Variants in C5orf46 observed in about 807,000 individuals in gnomAD.
C5orf46 encodes the protein uncharacterized protein C5orf46.
In C5orf46, 9 loss-of-function variants were observed where a neutral mutation model predicts 8.9. The observed-to-expected ratio is 1.01, with a 90% CI of 0.61 to 1.76. C5orf46 has a LOEUF of 1.76. Ranked by LOEUF, C5orf46 falls within the 40% of genes most tolerant of loss-of-function variation. The pLI is 0.00. For synonymous variants in C5orf46, 47 were observed against 41.4 expected (o/e 1.14, Z -0.52); for missense variants, 98 against 107.8 (o/e 0.91, Z 0.40).
chr5:147,890,088 C>T (rs1458655771), downstream of C5orf46, among the ~76,000 whole-genome samples: 3 of 152,104 alleles, frequency 2.0e-5, no homozygotes, highest in African/African-American at 4.8e-5. Context: ...GAAATCTTTC[C>T]GGATTTCCGA....
chr5:147,889,233 A>T (rs1757468004), downstream of C5orf46, among the ~76,000 whole-genome samples: 1 of 152,132 alleles, frequency 6.6e-6, no homozygotes, highest in African/African-American at 2.4e-5. Context: ...CCTAAACTAA[A>T]TGCCATGAGA....
chr5:147,905,010 C>T (rs1289275476), intron 1 of C5orf46, among the ~76,000 whole-genome samples: 5 of 151,230 alleles, frequency 3.3e-5, no homozygotes, highest in African/African-American at 1.2e-4. Flanking sequence ...ATAATAGCAG[C>T]AAAATGATTT....
At chr5:147,887,742 G>C (rs536530889), downstream of C5orf46, 1 of 152,198 alleles carries the variant, frequency 6.6e-6, no homozygotes, top group Non-Finnish European at 1.5e-5. Flanking sequence ...AAAGGTCACA[G>C]TGACAAGAGA....
At chr5:147,901,839 G>C in intron 1 of C5orf46, 66 bp from the exon 2 acceptor site, 2 of 1,524,742 alleles carry the variant, frequency 1.3e-6, no homozygotes, top group Non-Finnish European at 1.8e-6. Context: ...TTTCTGTGTG[G>C]GGAACGCTTG....
rs144206502 is a variant in C5orf46 at position 147,903,161 on chromosome 5, C to T, written c.71-1388G>A. 6.6e-5 allele frequency among the ~76,000 whole-genome samples: 10 copies of T among 152,226 alleles called. No individual in the cohort carries two copies. In the East Asian group the frequency reaches 9.6e-4, roughly 15 times the overall value. On this transcript the variant is annotated intron_variant, in intron 1 of 3. Transcript: ENST00000318315. ...AAGAGTGACAGTAGCTACATGTGGT[C>T]GCCCCTCTGAGCCCTGGTCACAGGA...
downstream of C5orf46, among the ~76,000 whole-genome samples, chr5:147,888,502 T>C (rs990507383): frequency 5.9e-5 from 9 of 152,208 alleles, no homozygotes; most frequent in African/African-American, 2.2e-4. Flanking sequence ...GAGAACAGTA[T>C]ACCTAGCACA....
At chr5:147,899,575 A>G (rs1308543403) in intron 2 of C5orf46, among the ~76,000 whole-genome samples, 1 of 152,226 alleles carries the variant, frequency 6.6e-6, no homozygotes, top group African/African-American at 2.4e-5. Context: ...TATGCCATGT[A>G]CTGTGCTCTT....
intron 2 of C5orf46, among the ~76,000 whole-genome samples, chr5:147,900,901 G>C (rs1245565733): frequency 6.6e-6 from 1 of 152,174 alleles, no homozygotes; most frequent in Non-Finnish European, 1.5e-5. Flanking sequence ...GTGTAGTAGT[G>C]TCAAATCAAA....
chr5:147,888,403 A>T (rs997212868), downstream of C5orf46, among the ~76,000 whole-genome samples: 7 of 152,184 alleles, frequency 4.6e-5, no homozygotes, highest in Non-Finnish European at 1.0e-4. Context: ...TTAAGAATAA[A>T]ATCCTGACCA....
intron 1 of C5orf46, among the ~76,000 whole-genome samples, chr5:147,904,042 C>T (rs768458492): frequency 2.6e-5 from 4 of 152,046 alleles, no homozygotes; most frequent in Non-Finnish European, 5.9e-5. Context: ...GCCATCCTGC[C>T]TGGCCTGAGC....
chr5:147,896,926 CT>C, intron 3 of C5orf46, 57 bp downstream of exon 3: 1 of 785,228 alleles, frequency 1.3e-6, no homozygotes, highest in Non-Finnish European at 2.0e-6. Context: ...TGGACAGACT[CT>C]TTTTCCTTTG....
At chr5:147,888,998 A>AT (rs1757461732), downstream of C5orf46, among the ~76,000 whole-genome samples, 2 of 152,096 alleles carry the variant, frequency 1.3e-5, no homozygotes. Flanking sequence ...GTCCATTAGC[A>AT]TTTTTTAAAA....
intron 1 of C5orf46, 94 bp downstream of exon 1, chr5:147,906,338 C>T: frequency 2.7e-6 from 2 of 737,684 alleles, no homozygotes; most frequent in Non-Finnish European, 4.3e-6. Context: ...CCAAAGACCC[C>T]TTCTTTCTTT....
chr5:147,890,799 G>A (rs149099629), downstream of C5orf46, among the ~76,000 whole-genome samples: 522 of 152,200 alleles, frequency 3.4e-3, 3 homozygotes, highest in African/African-American at 0.012. Flanking sequence ...CTAATGAGTA[G>A]GAGAAAGGAA....
At chr5:147,894,499 C>A (rs1424025382) in intron 3 of C5orf46, among the ~76,000 whole-genome samples, 1 of 152,024 alleles carries the variant, frequency 6.6e-6, no homozygotes, top group Non-Finnish European at 1.5e-5. Context: ...AGAATCTCTT[C>A]TCTCAGAGTT....
chr5:147,888,125 T>C (rs1457632679), downstream of C5orf46, among the ~76,000 whole-genome samples: 1 of 152,206 alleles, frequency 6.6e-6, no homozygotes, highest in African/African-American at 2.4e-5. Context: ...TACGAGTCAT[T>C]CCTGATACTT....
chr5:147,898,846 G>T (rs1757623900), intron 2 of C5orf46, among the ~76,000 whole-genome samples: 1 of 152,112 alleles, frequency 6.6e-6, no homozygotes, highest in South Asian at 2.1e-4. Context: ...TGAGCAAAAT[G>T]CAGTCTAGGT....
intron 3 of C5orf46, among the ~76,000 whole-genome samples, chr5:147,893,608 T>A (rs1385389752): frequency 2.0e-5 from 3 of 152,194 alleles, no homozygotes; most frequent in East Asian, 1.9e-4. Context: ...AGTGGCTTGA[T>A]CTTGGTTTAC....
chr5:147,897,090 G>C, intron 2 of C5orf46, 49 bp from the exon 3 acceptor site: 1 of 870,118 alleles, frequency 1.1e-6, no homozygotes, highest in Non-Finnish European at 1.8e-6. Context: ...CTGAACAGGA[G>C]TGTTAGAATG....
Sources: allele counts gnomAD v4.1 joint callset (sites outside exome capture counted in the v4.1 genomes callset), GRCh38; gene constraint gnomAD v4.1.1; transcripts MANE v1.5; gene names NCBI Gene and HGNC (gene_info 2026-07-23, HGNC 2026-07-21).